The following SLC41A2 variants were observed in gnomAD, a reference collection of about 807,000 sequenced individuals.
SLC41A2 encodes the protein solute carrier family 41 member 2.
A neutral mutation model predicts 58.3 loss-of-function variants in SLC41A2; 32 were observed. The ratio of observed to expected loss-of-function variants is 0.55; its 90% confidence interval spans 0.41 to 0.74. SLC41A2 has a LOEUF of 0.74. SLC41A2 is among the 30% of genes least tolerant of loss of function. The probability of loss-of-function intolerance (pLI) is 0.00; values close to 1 mark genes in which losing one functional copy is unlikely to be tolerated. For synonymous variants in SLC41A2, 190 were observed against 235.0 expected (o/e 0.81, Z 1.75); for missense variants, 514 against 680.6 (o/e 0.76, Z 2.72).
intron 1 of SLC41A2, among the ~76,000 whole-genome samples, chr12:104,929,225 G>T (rs1328260661): frequency 1.3e-5 from 2 of 152,070 alleles, no homozygotes; most frequent in Non-Finnish European, 2.9e-5. Context: ...ACACTTGGTA[G>T]GTATCCTGAA....
chr12:104,916,905 T>C (rs928942978), intron 2 of SLC41A2, among the ~76,000 whole-genome samples: 1,666 of 151,764 alleles, frequency 0.011, 35 homozygotes, highest in African/African-American at 0.038. Flanking sequence ...ATTCAGGACA[T>C]AGGCGTGGGC....
intron 8 of SLC41A2, among the ~76,000 whole-genome samples, chr12:104,860,965 A>G (rs2136422295): frequency 6.6e-6 from 1 of 152,318 alleles, no homozygotes; most frequent in Non-Finnish European, 1.5e-5. Context: ...CAACAAAACA[A>G]TATACAATAG....
intron 10 of SLC41A2, among the ~76,000 whole-genome samples, chr12:104,842,255 G>C (rs1481961101): frequency 1.3e-5 from 2 of 152,024 alleles, no homozygotes; most frequent in Non-Finnish European, 2.9e-5. Context: ...GTGTATGCTA[G>C]TGTCAGAACA....
At chr12:104,948,268 C>T (rs17036545) in intron 1 of SLC41A2, among the ~76,000 whole-genome samples, 6,713 of 152,136 alleles carry the variant, frequency 0.044, 326 homozygotes, top group East Asian at 0.15. Context: ...TGTCCTTTGG[C>T]CTAATTTGCT....
intron 10 of SLC41A2, among the ~76,000 whole-genome samples, chr12:104,831,485 C>T: frequency 6.6e-6 from 1 of 152,144 alleles, no homozygotes; most frequent in East Asian, 1.9e-4. Flanking sequence ...GATGGTGGTT[C>T]TGTAAGATTA....
At chr12:104,878,079 GTTGT>G (rs1565865183) in intron 6 of SLC41A2, among the ~76,000 whole-genome samples, 1 of 151,716 alleles carries the variant, frequency 6.6e-6, no homozygotes, top group Non-Finnish European at 1.5e-5. Context: ...TTCCTCAATA[GTTGT>G]TTATCTTCTG....
chr12:104,900,058 T>C (rs755296418), intron 3 of SLC41A2, among the ~76,000 whole-genome samples: 21 of 152,328 alleles, frequency 1.4e-4, no homozygotes, highest in Non-Finnish European at 2.9e-4. Context: ...TCAGCCACTC[T>C]GCCAGCTCTG....
chr12:104,933,108 G>A (rs567545129), intron 1 of SLC41A2, among the ~76,000 whole-genome samples: 1 of 152,134 alleles, frequency 6.6e-6, no homozygotes, highest in East Asian at 1.9e-4. Flanking sequence ...CTACAGAATG[G>A]GAGAAAACAT....
chr12:104,888,706 C>T (rs1471938368), intron 5 of SLC41A2, among the ~76,000 whole-genome samples: 1 of 151,978 alleles, frequency 6.6e-6, no homozygotes, highest in Admixed American at 6.6e-5. Flanking sequence ...CTAGTAAATC[C>T]CCTGCATGAT....
At chr12:104,845,133 TA>T (rs1382130947) in intron 9 of SLC41A2, among the ~76,000 whole-genome samples, 3 of 150,672 alleles carry the variant, frequency 2.0e-5, no homozygotes, top group Non-Finnish European at 4.4e-5. Context: ...AAAATAAAGA[TA>T]AAAAAAAATT....
chr12:104,938,523 G>C (rs530582053), intron 1 of SLC41A2, among the ~76,000 whole-genome samples: 2 of 152,328 alleles, frequency 1.3e-5, no homozygotes, highest in Non-Finnish European at 2.9e-5. Context: ...AATAAGAGCA[G>C]CAGCAACACT....
At chr12:104,957,502 T>C (rs1019846754) in intron 1 of SLC41A2, among the ~76,000 whole-genome samples, 5 of 152,222 alleles carry the variant, frequency 3.3e-5, no homozygotes, top group African/African-American at 1.2e-4. Flanking sequence ...ATGAGTTTTA[T>C]GGCATGTGAT....
chr12:104,825,112 G>A (rs1377256412), intron 10 of SLC41A2, among the ~76,000 whole-genome samples: 2 of 152,014 alleles, frequency 1.3e-5, no homozygotes, highest in African/African-American at 2.4e-5. Context: ...TACAGGCTGC[G>A]GCAATGTTAC....
At chr12:104,918,640 A>AAC (rs1372935754) in intron 2 of SLC41A2, among the ~76,000 whole-genome samples, 35 of 151,362 alleles carry the variant, frequency 2.3e-4, no homozygotes, top group Admixed American at 1.7e-3. Context: ...AAAAAAAAAA[A>AAC]AAAAAAACTA....
rs985949372 is a variant in SLC41A2, at chr12:104,915,728, G to C, written c.556-5966C>G. 3.9e-5 allele frequency among the ~76,000 whole-genome samples: 6 copies of C among 152,276 alleles called. 1 individual carries two copies. The highest frequency in any genetic ancestry group is 1.3e-4 in the Admixed American group (2 of 15,290). Reference sequence around the variant, plus strand: ...TGTCATCTGCAAACAGGGACAATTTGACTTCCTCTTTTCCTAATTGAATAC... The same window carrying C: ...TGTCATCTGCAAACAGGGACAATTTCACTTCCTCTTTTCCTAATTGAATAC... On this transcript the variant is annotated intron_variant, in intron 2 of 10. Coordinates refer to ENST00000258538, the MANE Select transcript of SLC41A2 (RefSeq NM_001352171.3).
Position 104,906,064 on chromosome 12 carries a change from C to T in SLC41A2, c.663+3591G>A, listed in dbSNP as rs1318681576. 2.0e-5 allele frequency among the ~76,000 whole-genome samples: 3 copies of T among 152,230 alleles called. No individual in the cohort carries two copies. The East Asian group carries it at 5.8e-4, about 29-fold the overall frequency. On this transcript the variant is annotated intron_variant, in intron 3 of 10. Transcript: ENST00000258538. ...GCGAGGGCTCTGAGGACTGCCAGCA[C>T]GCTGTCACCTCTCAAGACTACATAA...
intron 10 of SLC41A2, among the ~76,000 whole-genome samples, chr12:104,836,567 A>G (rs184432241): frequency 6.6e-4 from 100 of 152,318 alleles, no homozygotes; most frequent in African/African-American, 2.3e-3. Flanking sequence ...TGAACACTAT[A>G]AAATAATAAA....
At chr12:104,904,924 AGG>A (rs958098176) in intron 3 of SLC41A2, among the ~76,000 whole-genome samples, 3 of 152,158 alleles carry the variant, frequency 2.0e-5, no homozygotes, top group Non-Finnish European at 4.4e-5. Context: ...ACACTGTGGA[AGG>A]GGACCCAAGC....
At chr12:104,947,771 G>A (rs2135969597) in intron 1 of SLC41A2, among the ~76,000 whole-genome samples, 1 of 152,168 alleles carries the variant, frequency 6.6e-6, no homozygotes, top group South Asian at 2.1e-4. Flanking sequence ...ATGAAAGTTG[G>A]ATAAGGAACT....
Sources: allele counts gnomAD v4.1 joint callset (sites outside exome capture counted in the v4.1 genomes callset), GRCh38; gene constraint gnomAD v4.1.1; transcripts MANE v1.5; gene names NCBI Gene and HGNC (gene_info 2026-07-23, HGNC 2026-07-21).